Variants in IL22RA1 observed in about 807,000 individuals in gnomAD.
IL22RA1 encodes the protein interleukin 22 receptor subunit alpha 1, also known as interleukin-22 receptor subunit alpha-1.
Under a neutral mutation model 32.8 loss-of-function variants are expected in IL22RA1, and 25 were observed. That is an observed-to-expected ratio of 0.76 (90% confidence interval 0.55 to 1.06). IL22RA1 has a LOEUF of 1.06. IL22RA1 is among the 50% of genes least tolerant of loss of function. IL22RA1 has a pLI of 0.00. For synonymous variants in IL22RA1, 305 were observed against 305.0 expected (o/e 1.00, Z 0.00); for missense variants, 709 against 727.4 (o/e 0.97, Z 0.29).
At position 24,134,225 on chromosome 1, in the gene IL22RA1, G is replaced by A. The variant is rs920023294; in HGVS notation, c.517C>T (p.Arg173Cys). The change falls in exon 4 of 7, where the codon CGC becomes TGC. Residue 173 changes from arginine to cysteine, a missense_variant. Arg to Cys is a radical substitution (Grantham distance 180, BLOSUM62 -3). Coordinates refer to ENST00000270800, the MANE Select transcript of IL22RA1 (RefSeq NM_021258.4). ...CATACACTCACCATTTGGTAGGTGC[G>A]GTTGACCTGGAGCTCTAAGTGGTAG... ...LFYHLELQVN[R>C]TYQMHLGGKQ... 13 of 1,611,248 alleles carry A rather than the reference G, an allele frequency of 8.1e-6. No individual in the cohort carries two copies. Among genetic ancestry groups the A allele is most frequent in the South Asian group, 2.2e-5 (2 of 90,918 alleles).
chr1:24,141,665 C>T lies in IL22RA1; in HGVS notation c.43+1375G>A, dbSNP rs368085827. On this transcript the variant is annotated intron_variant, in intron 1 of 6. Coordinates refer to ENST00000270800, the MANE Select transcript of IL22RA1 (RefSeq NM_021258.4). ...TGTCAGGGTCTAACAAGATCTCCCC[C>T]TCTTCTCCCACCCTCCTCGCTCCTT... Among the ~76,000 whole-genome samples the T allele has an allele frequency of 3.1e-4, 47 of 152,310 alleles. No individual in the cohort carries two copies. The East Asian group carries it at 6.2e-3, about 20-fold the overall frequency.
In IL22RA1 at chr1:24,120,694, C is replaced by A; in HGVS notation, c.*111G>T. On this transcript the variant is annotated 3_prime_UTR_variant, in exon 7 of 7. Transcript: ENST00000270800. ...TCCCTCTGCTTCTCTCAAGGGCACC[C>A]GTCTGAGGCCAGATCGCAGAGTGTG... 9.4e-7 allele frequency: 1 copy of A among 1,065,692 alleles called. No homozygotes were observed. Among genetic ancestry groups the A allele is most frequent in the South Asian group, 1.6e-5 (1 of 60,628 alleles). The allele number at this position is 1,065,692 out of a possible 1,614,324, so 66.0% of individuals were successfully genotyped here.
At chr1:24,126,251 A>C (rs1195019585) in intron 5 of IL22RA1, among the ~76,000 whole-genome samples, 1 of 152,258 alleles carries the variant, frequency 6.6e-6, no homozygotes, top group Admixed American at 6.5e-5. Context: ...GCCCCATGCA[A>C]GTGGCCAGTG....
At position 24,120,747 on chromosome 1, in the gene IL22RA1, C is replaced by A; in HGVS notation, c.*58G>T. The A allele has an allele frequency of 6.8e-7, 1 of 1,477,258 alleles. No homozygotes were observed. The highest frequency in any genetic ancestry group is 2.3e-5 in the East Asian group (1 of 43,796). The allele number at this position is 1,477,258 out of a possible 1,614,324, so 91.5% of individuals were successfully genotyped here. On this transcript the variant is annotated 3_prime_UTR_variant, in exon 7 of 7. Coordinates refer to ENST00000270800, the MANE Select transcript of IL22RA1 (RefSeq NM_021258.4). ...GCGTGGGCAGGCATGGGATTGACAG[C>A]CAAGGATGTGACACTGGGTAGGGAC...
chr1:24,135,512 C>T (rs150654656), intron 3 of IL22RA1, among the ~76,000 whole-genome samples: 27 of 152,278 alleles, frequency 1.8e-4, no homozygotes, highest in South Asian at 6.2e-4. Context: ...CATCGTCACA[C>T]GCTTAGCTTG....
At chr1:24,136,280 A>G (rs1644241740) in intron 3 of IL22RA1, among the ~76,000 whole-genome samples, 2 of 152,324 alleles carry the variant, frequency 1.3e-5, no homozygotes, top group African/African-American at 4.8e-5. Flanking sequence ...TGTGCCAGGC[A>G]CTATGCTGAG....
At chr1:24,134,641 C>G (rs1206508772) in intron 3 of IL22RA1, among the ~76,000 whole-genome samples, 3 of 152,144 alleles carry the variant, frequency 2.0e-5, no homozygotes. Context: ...CACCAGTCCC[C>G]TAGCTTGGTC....
Position 24,134,398 on chromosome 1 carries a change from G to T in IL22RA1, c.356-12C>A. On this transcript the variant is annotated splice_polypyrimidine_tract_variant and intron_variant, in intron 3 of 6. Coordinates refer to ENST00000270800, the MANE Select transcript of IL22RA1 (RefSeq NM_021258.4). The stretch of plus-strand genomic sequence containing the variant: ...TGGCTTGAGGGTAGCTGGGGATAGG[G>T]AGAGAGAAAAGAGAAAAGAAAAAGT... 6.8e-7 allele frequency: 1 copy of T among 1,465,556 alleles called. No individual in the cohort carries two copies. Among genetic ancestry groups the T allele is most frequent in the Non-Finnish European group, 9.1e-7 (1 of 1,101,470 alleles). 90.8% of individuals were successfully genotyped at this position (1,465,556 alleles called of 1,614,324 possible). A position where few individuals can be genotyped will look rare whatever the true frequency, so the allele number is the denominator to read the frequency against.
chr1:24,128,136 C>A lies in IL22RA1; in HGVS notation c.670+5G>T. The A allele has an allele frequency of 6.6e-7, 1 of 1,512,220 alleles. No individual in the cohort carries two copies. The highest frequency in any genetic ancestry group is 2.1e-5 in the Admixed American group (1 of 47,468). 93.7% of individuals were successfully genotyped at this position (1,512,220 alleles called of 1,614,324 possible). A position where few individuals can be genotyped will look rare whatever the true frequency, so the allele number is the denominator to read the frequency against. ...CCACCTCCCTCTGGTTTCAGCCGAA[C>A]TCACCTGGCAGTGTCTTCACTCGGC... On this transcript the variant is annotated splice_donor_5th_base_variant and intron_variant, in intron 5 of 6. Transcript: ENST00000270800.
intron 4 of IL22RA1, among the ~76,000 whole-genome samples, chr1:24,132,635 ACC>A (rs1447209527): frequency 6.6e-6 from 1 of 151,386 alleles, no homozygotes; most frequent in Non-Finnish European, 1.5e-5. Context: ...CCTGGCTGGG[ACC>A]ATGTTTTAAG....
At chr1:24,124,997 A>C (rs909433851) in intron 5 of IL22RA1, among the ~76,000 whole-genome samples, 2 of 152,088 alleles carry the variant, frequency 1.3e-5, no homozygotes, top group African/African-American at 2.4e-5. Flanking sequence ...GAATATAAAA[A>C]CACCACCAGC....
At chr1:24,131,718 A>C (rs912876878) in intron 4 of IL22RA1, among the ~76,000 whole-genome samples, 2 of 152,208 alleles carry the variant, frequency 1.3e-5, no homozygotes, top group African/African-American at 4.8e-5. Flanking sequence ...CTCTCACCTA[A>C]ATCAGGAAAG....
intron 4 of IL22RA1, among the ~76,000 whole-genome samples, 179 bp downstream of exon 4, chr1:24,134,032 C>T (rs1434656923): frequency 4.6e-5 from 7 of 152,226 alleles, no homozygotes; most frequent in Non-Finnish European, 8.8e-5. Context: ...TGTGAATCTA[C>T]AAGAGAAAAG....
intron 1 of IL22RA1, 51 bp downstream of exon 1, chr1:24,142,989 G>T (rs767452222): frequency 1.3e-6 from 2 of 1,556,584 alleles, no homozygotes; most frequent in African/African-American, 2.7e-5. Context: ...GACCCTGATC[G>T]TTGGCCCCTG....
At chr1:24,140,287 C>T (rs879849578) in intron 1 of IL22RA1, among the ~76,000 whole-genome samples, 1 of 152,128 alleles carries the variant, frequency 6.6e-6, no homozygotes, top group East Asian at 1.9e-4. Context: ...GGTTGTGGGG[C>T]GGATAGAGCG....
rs986446961 is a variant in IL22RA1 at position 24,120,616 on chromosome 1, T to C, written c.*189A>G. The C allele has an allele frequency of 8.5e-6, 5 of 589,052 alleles. No homozygotes were observed. Among genetic ancestry groups the C allele is most frequent in the Non-Finnish European group, 1.5e-5 (5 of 336,100 alleles). The allele number at this position is 589,052 out of a possible 1,614,324, so 36.5% of individuals were successfully genotyped here. On this transcript the variant is annotated 3_prime_UTR_variant, in exon 7 of 7. Coordinates refer to ENST00000270800, the MANE Select transcript of IL22RA1 (RefSeq NM_021258.4). ...AGCTCCCCCGCTGCAGTCCTTATCA[T>C]GCTGCTTTGCTCCGGTGAGGAGCGC...
intron 1 of IL22RA1, 138 bp from the exon 2 acceptor site, chr1:24,138,852 G>A: frequency 2.0e-6 from 2 of 1,019,794 alleles, no homozygotes; most frequent in Non-Finnish European, 2.9e-6. Flanking sequence ...TGGTGGGTGG[G>A]CAGGGAGACC....
intron 1 of IL22RA1, among the ~76,000 whole-genome samples, chr1:24,140,609 C>T (rs756372769): frequency 3.9e-5 from 6 of 152,166 alleles, no homozygotes; most frequent in Non-Finnish European, 7.3e-5. Flanking sequence ...GCCTGAGCCT[C>T]AAGGAAGGGG....
intron 2 of IL22RA1, 47 bp downstream of exon 2, chr1:24,138,535 C>A (rs1010772952): frequency 6.2e-7 from 1 of 1,608,136 alleles, no homozygotes; most frequent in Admixed American, 1.7e-5. Context: ...TGGAGAGGGG[C>A]TGGCTTCAGA....
Sources: gnomAD v4.1 joint callset for allele counts (sites outside exome capture counted in the v4.1 genomes callset) on GRCh38, gnomAD v4.1.1 for gene constraint, MANE v1.5 for transcripts, NCBI Gene and HGNC (gene_info 2026-07-23, HGNC 2026-07-21) for gene names.